Variants in CNTNAP2 observed in about 807,000 individuals in gnomAD.
CNTNAP2 encodes contactin associated protein 2.
In CNTNAP2, 98 loss-of-function variants were observed where a neutral mutation model predicts 155.2. The ratio of observed to expected loss-of-function variants is 0.63; its 90% confidence interval spans 0.54 to 0.75. The LOEUF (loss-of-function observed/expected upper bound fraction) is 0.75. Among genes scored for constraint, CNTNAP2 ranks in the 30% least tolerant of loss-of-function variants. CNTNAP2 has a pLI of 0.00. For missense variants in CNTNAP2, 1,727 were observed against 1,688.1 expected (o/e 1.02, Z -0.40); for synonymous variants, 651 against 631.2 (o/e 1.03, Z -0.47).
chr7:147,017,791 A>G (rs1355533219), intron 3 of CNTNAP2, among the ~76,000 whole-genome samples: 2 of 152,138 alleles, frequency 1.3e-5, no homozygotes, highest in African/African-American at 4.8e-5. Flanking sequence ...TCATGAGGAA[A>G]CTAGCAGAAT....
At chr7:147,593,603 T>G (rs1210529821) in intron 12 of CNTNAP2, among the ~76,000 whole-genome samples, 1 of 152,152 alleles carries the variant, frequency 6.6e-6, no homozygotes, top group Non-Finnish European at 1.5e-5. Flanking sequence ...ACCTATCATG[T>G]AAAGAGGTGT....
chr7:146,343,048 T>G (rs998791213), intron 1 of CNTNAP2, among the ~76,000 whole-genome samples: 1 of 152,192 alleles, frequency 6.6e-6, no homozygotes, highest in African/African-American at 2.4e-5. Context: ...TTTTCTGTTT[T>G]TCAAACGTTA....
At chr7:147,458,083 G>A (rs1797953328) in intron 10 of CNTNAP2, among the ~76,000 whole-genome samples, 1 of 151,922 alleles carries the variant, frequency 6.6e-6, no homozygotes. Flanking sequence ...ATTAAATAAT[G>A]GTGATAATCA....
At chr7:147,294,490 A>G (rs1026424263) in intron 8 of CNTNAP2, among the ~76,000 whole-genome samples, 3 of 152,188 alleles carry the variant, frequency 2.0e-5, no homozygotes, top group Non-Finnish European at 4.4e-5. Flanking sequence ...TGTTTTCCCA[A>G]GCCTCAAATT....
At chr7:146,626,061 T>G (rs1314480158) in intron 1 of CNTNAP2, among the ~76,000 whole-genome samples, 1 of 152,094 alleles carries the variant, frequency 6.6e-6, no homozygotes, top group Admixed American at 6.5e-5. Context: ...AAATTTCAAT[T>G]TCAGAGCTTC....
chr7:148,188,107 G>A (rs117760750), intron 18 of CNTNAP2, among the ~76,000 whole-genome samples: 42 of 152,226 alleles, frequency 2.8e-4, no homozygotes, highest in Admixed American at 1.2e-3. Context: ...GGAAAAAATC[G>A]TGGGAGAGTA....
Position 146,328,440 on chromosome 7 carries a change from G to C in CNTNAP2, c.97+211467G>C, listed in dbSNP as rs1056965466. Among the ~76,000 whole-genome samples, 18 of 151,984 alleles carry C rather than the reference G, an allele frequency of 1.2e-4. 1 individual carries two copies. Among genetic ancestry groups the C allele is most frequent in the Non-Finnish European group, 2.9e-5 (2 of 68,006 alleles). On this transcript the variant is annotated intron_variant, in intron 1 of 23. Coordinates refer to ENST00000361727, the MANE Select transcript of CNTNAP2 (RefSeq NM_014141.6). ...ACGTATATATTTAAGGTATAAAAGT[G>C]ATATATTGATAAATTTGTACATTGT...
intron 13 of CNTNAP2, among the ~76,000 whole-genome samples, chr7:147,662,740 G>T (rs1795633009): frequency 6.6e-6 from 1 of 152,142 alleles, no homozygotes; most frequent in Non-Finnish European, 1.5e-5. Context: ...AATTAGAAAG[G>T]TGGGGTGGTC....
chr7:148,196,534 G>A (rs1795281205), intron 18 of CNTNAP2, among the ~76,000 whole-genome samples: 1 of 152,120 alleles, frequency 6.6e-6, no homozygotes, highest in African/African-American at 2.4e-5. Flanking sequence ...GACCAGAGGG[G>A]TCCAGCAATG....
At chr7:148,111,195 G>T (rs1254941294) in intron 15 of CNTNAP2, among the ~76,000 whole-genome samples, 1 of 152,166 alleles carries the variant, frequency 6.6e-6, no homozygotes, top group African/African-American at 2.4e-5. Flanking sequence ...TAATGTCAGA[G>T]ATGTCATAAA....
rs777549411 is a variant in CNTNAP2, at chr7:147,905,207, A to C, written c.2255+1486A>C. On this transcript the variant is annotated intron_variant, in intron 14 of 23. Transcript: ENST00000361727. The stretch of plus-strand genomic sequence containing the variant: ...TCTTAAGCCAGGCAGACCTTCTCCC[A>C]TCCATTTGTCTATCCAACATTAATT... 9.2e-5 allele frequency among the ~76,000 whole-genome samples: 14 copies of C among 152,164 alleles called. 1 individual carries two copies. Among genetic ancestry groups the C allele is most frequent in the Non-Finnish European group, 1.8e-4 (12 of 68,034 alleles).
chr7:146,125,123 CA>C (rs1462529157), intron 1 of CNTNAP2, among the ~76,000 whole-genome samples: 1 of 151,960 alleles, frequency 6.6e-6, no homozygotes, highest in Non-Finnish European at 1.5e-5. Flanking sequence ...ATGAAATTTC[CA>C]AAAATGAAAT....
chr7:146,410,421 C>G (rs1584912408), intron 1 of CNTNAP2, among the ~76,000 whole-genome samples: 1 of 152,112 alleles, frequency 6.6e-6, no homozygotes, highest in Non-Finnish European at 1.5e-5. Flanking sequence ...GAAACATAAG[C>G]AAACAGCAGT....
At chr7:147,329,947 A>G (rs968851869) in intron 9 of CNTNAP2, among the ~76,000 whole-genome samples, 3 of 152,150 alleles carry the variant, frequency 2.0e-5, no homozygotes, top group African/African-American at 7.2e-5. Flanking sequence ...CATAATAAAT[A>G]TATTTGGCCT....
intron 3 of CNTNAP2, among the ~76,000 whole-genome samples, chr7:146,954,306 G>A (rs1389055183): frequency 6.6e-6 from 1 of 151,870 alleles, no homozygotes; most frequent in Non-Finnish European, 1.5e-5. Context: ...ATTCTGAAAT[G>A]TATGCTTTGC....
intron 11 of CNTNAP2, among the ~76,000 whole-genome samples, chr7:147,513,162 AT>A (rs1799051610): frequency 1.3e-5 from 2 of 152,324 alleles, no homozygotes; most frequent in Non-Finnish European, 2.9e-5. Flanking sequence ...TGTATAATAA[AT>A]GATACATGTA....
rs548726066 is a variant in CNTNAP2, at chr7:147,984,803, T to C, written c.2383+6814T>C. 2.0e-5 allele frequency among the ~76,000 whole-genome samples: 3 copies of C among 152,152 alleles called. No individual in the cohort carries two copies. In the East Asian group the frequency reaches 5.8e-4, roughly 29 times the overall value. ...TTGGGAGCAGGGGAGGAGAGGAACTTCACTTTCACTGTCAAAAGGACTATT... is the reference window on the plus strand; with the variant it reads ...TTGGGAGCAGGGGAGGAGAGGAACTCCACTTTCACTGTCAAAAGGACTATT... On this transcript the variant is annotated intron_variant, in intron 15 of 23. Coordinates refer to ENST00000361727, the MANE Select transcript of CNTNAP2 (RefSeq NM_014141.6).
chr7:147,782,992 T>C (rs970901643), intron 13 of CNTNAP2, among the ~76,000 whole-genome samples: 1 of 152,242 alleles, frequency 6.6e-6, no homozygotes, highest in Non-Finnish European at 1.5e-5. Flanking sequence ...TTAGAAGCAG[T>C]ATCTTCTTAT....
chr7:146,937,646 T>TG (rs1392357687), intron 3 of CNTNAP2, among the ~76,000 whole-genome samples: 1 of 152,202 alleles, frequency 6.6e-6, no homozygotes, highest in Non-Finnish European at 1.5e-5. Context: ...ACACCTGCCC[T>TG]GGAAACTTCC....
Sources: allele counts gnomAD v4.1 joint callset (sites outside exome capture counted in the v4.1 genomes callset), GRCh38; gene constraint gnomAD v4.1.1; transcripts MANE v1.5; gene names NCBI Gene and HGNC (gene_info 2026-07-23, HGNC 2026-07-21).